The following ZBBX variants were observed in gnomAD, a reference collection of about 807,000 sequenced individuals.
The protein encoded by ZBBX is zinc finger B-box domain-containing protein 1.
ZBBX carries 101 observed loss-of-function variants against 108.5 expected under a neutral mutation model. That is an observed-to-expected ratio of 0.93 (90% confidence interval 0.79 to 1.10). The LOEUF is 1.10. Among genes scored for constraint, ZBBX ranks in the 50% least tolerant of loss-of-function variants. The pLI is 0.00. For missense variants in ZBBX, 1,009 were observed against 941.4 expected (o/e 1.07, Z -0.94); for synonymous variants, 356 against 323.4 (o/e 1.10, Z -1.08).
At chr3:167,380,058 A>G (rs938002903) in intron 1 of ZBBX, among the ~76,000 whole-genome samples, 189 bp downstream of exon 1, 5 of 152,130 alleles carry the variant, frequency 3.3e-5, no homozygotes, top group Admixed American at 1.3e-4. Flanking sequence ...GCCTGGCACT[A>G]TGTCAGCCTA....
Position 167,366,530 on chromosome 3 carries a change from C to A in ZBBX, c.183-554G>T, listed in dbSNP as rs371992847. ...CAAAATATTTTTGAAGTTATCAAGG[C>A]AGAGAGTCCAATTATCATTAAAAAA... On this transcript the variant is annotated intron_variant, in intron 5 of 21. Coordinates refer to ENST00000675490, the MANE Select transcript of ZBBX (RefSeq NM_001199201.2). 3.3e-4 allele frequency among the ~76,000 whole-genome samples: 50 copies of A among 151,892 alleles called. No homozygotes were observed. The East Asian group carries it at 5.2e-3, about 16-fold the overall frequency.
chr3:167,289,934 G>C (rs567036468), intron 18 of ZBBX, among the ~76,000 whole-genome samples: 2 of 152,112 alleles, frequency 1.3e-5, no homozygotes, highest in African/African-American at 4.8e-5. Context: ...GCTTGAGAGG[G>C]TGGTTTTATC....
At chr3:167,212,761 G>T in the ZBBX span, among the ~76,000 whole-genome samples, 140 of 152,232 alleles carry the variant, frequency 9.2e-4, 1 homozygote, top group Non-Finnish European at 1.5e-3. Flanking sequence ...ACTACAGCCA[G>T]CACTCAAAGG....
At chr3:167,235,964 G>A (rs998086797), downstream of ZBBX, among the ~76,000 whole-genome samples, 5 of 151,658 alleles carry the variant, frequency 3.3e-5, no homozygotes, top group African/African-American at 9.7e-5. Context: ...TCATGCAAAT[G>A]TGGCTAGTAA....
the ZBBX span, among the ~76,000 whole-genome samples, chr3:167,228,032 C>T: frequency 4.6e-5 from 7 of 151,692 alleles, no homozygotes; most frequent in Non-Finnish European, 7.4e-5. Flanking sequence ...ATTCTGGGCC[C>T]TCTTGATCTC....
downstream of ZBBX, among the ~76,000 whole-genome samples, chr3:167,237,789 G>A (rs998476988): frequency 4.0e-5 from 6 of 151,784 alleles, no homozygotes; most frequent in African/African-American, 1.5e-4. Flanking sequence ...CTCAGATTTG[G>A]CCAGAGATGT....
the ZBBX span, among the ~76,000 whole-genome samples, chr3:167,205,742 A>C: frequency 6.6e-6 from 1 of 152,154 alleles, no homozygotes; most frequent in African/African-American, 2.4e-5. Context: ...CCTAATAAGT[A>C]ATTAATTGGT....
At chr3:167,305,380 A>G (rs1733444514) in intron 17 of ZBBX, among the ~76,000 whole-genome samples, 1 of 152,066 alleles carries the variant, frequency 6.6e-6, no homozygotes, top group African/African-American at 2.4e-5. Flanking sequence ...CCATGCTCTT[A>G]CTATGCTGCA....
At chr3:167,391,015 T>C (rs184670533) in intron 1 of ZBBX, among the ~76,000 whole-genome samples, 8 of 152,088 alleles carry the variant, frequency 5.3e-5, no homozygotes, top group Non-Finnish European at 1.0e-4. Context: ...GAACTTCCAA[T>C]ACTATGTTGA....
intron 17 of ZBBX, among the ~76,000 whole-genome samples, chr3:167,299,439 C>T (rs1415113036): frequency 1.3e-5 from 2 of 152,078 alleles, no homozygotes; most frequent in Non-Finnish European, 2.9e-5. Context: ...AGAATTCTTT[C>T]CACTCTACTG....
chr3:167,391,387 CA>C (rs1260181259), intron 1 of ZBBX, among the ~76,000 whole-genome samples: 1 of 151,968 alleles, frequency 6.6e-6, no homozygotes, highest in African/African-American at 2.4e-5. Flanking sequence ...TTTGGTTTGC[CA>C]GTATTTTATT....
At chr3:167,390,525 A>C (rs558402397) in intron 1 of ZBBX, among the ~76,000 whole-genome samples, 1 of 151,388 alleles carries the variant, frequency 6.6e-6, no homozygotes, top group Non-Finnish European at 1.5e-5. Flanking sequence ...TAATTCTTTG[A>C]AGAAAGCCAA....
At chr3:167,331,217 G>A (rs1257300727) in intron 10 of ZBBX, among the ~76,000 whole-genome samples, 1 of 152,102 alleles carries the variant, frequency 6.6e-6, no homozygotes, top group African/African-American at 2.4e-5. Context: ...GTGCAGAGGA[G>A]GAAGTGAAAA....
At chr3:167,266,806 A>C (rs989986433) in intron 20 of ZBBX, among the ~76,000 whole-genome samples, 10 of 152,298 alleles carry the variant, frequency 6.6e-5, no homozygotes, top group African/African-American at 2.4e-4. Context: ...ATTCATTTAT[A>C]ACAATTTGGT....
intron 20 of ZBBX, among the ~76,000 whole-genome samples, chr3:167,260,673 A>G (rs1480607362): frequency 6.6e-6 from 1 of 152,120 alleles, no homozygotes; most frequent in East Asian, 1.9e-4. Flanking sequence ...AAGTTTTCTG[A>G]GTTTTTTATT....
chr3:167,385,691 T>C (rs147723813), intron 1 of ZBBX, among the ~76,000 whole-genome samples: 13 of 152,114 alleles, frequency 8.5e-5, no homozygotes, highest in Middle Eastern at 3.4e-3. Flanking sequence ...AAAACTGTTT[T>C]TGTTAAAAAC....
chr3:167,313,952 C>T, intron 16 of ZBBX, 22 bp downstream of exon 16: 1 of 1,555,166 alleles, frequency 6.4e-7, no homozygotes, highest in Non-Finnish European at 8.7e-7. Flanking sequence ...TTAATAATAT[C>T]CAGCAACAAG....
the ZBBX span, among the ~76,000 whole-genome samples, chr3:167,181,196 A>C: frequency 6.6e-6 from 1 of 152,054 alleles, no homozygotes; most frequent in African/African-American, 2.4e-5. Context: ...AAACCTTGCA[A>C]ATTTTTTCCT....
At chr3:167,362,995 A>T (rs1476058903) in intron 6 of ZBBX, among the ~76,000 whole-genome samples, 1 of 151,832 alleles carries the variant, frequency 6.6e-6, no homozygotes, top group Non-Finnish European at 1.5e-5. Flanking sequence ...ACCCTCCAAC[A>T]TGCTGGCTAC....
Sources: gnomAD v4.1 joint callset for allele counts (sites outside exome capture counted in the v4.1 genomes callset) on GRCh38, gnomAD v4.1.1 for gene constraint, MANE v1.5 for transcripts, NCBI Gene and HGNC (gene_info 2026-07-23, HGNC 2026-07-21) for gene names.